TRPC7: variants seen among roughly 807,000 people sequenced by gnomAD.
TRPC7 encodes short transient receptor potential channel 7.
In TRPC7, 42 loss-of-function variants were observed where a neutral mutation model predicts 90.1. The ratio of observed to expected loss-of-function variants is 0.47; its 90% CI spans 0.36 to 0.60. The LOEUF (loss-of-function observed/expected upper bound fraction) is 0.60, where lower values mean the gene tolerates loss of function less well. Ranked by LOEUF, TRPC7 falls within the 20% of genes least tolerant of loss-of-function variation. TRPC7 has a pLI of 0.00. For missense variants in TRPC7, 955 were observed against 1,112.3 expected, an observed-to-expected ratio of 0.86 and a Z score of 2.01; for synonymous variants, 451 against 436.3, an observed-to-expected ratio of 1.03 and a Z score of -0.42.
intron 5 of TRPC7, among the ~76,000 whole-genome samples, chr5:136,257,841 C>A (rs1325373764): frequency 6.6e-6 from 1 of 152,070 alleles, no homozygotes; most frequent in Non-Finnish European, 1.5e-5. Context: ...CTTTCCTCTA[C>A]CCCCAAATTA....
intron 1 of TRPC7, among the ~76,000 whole-genome samples, chr5:136,358,563 C>T (rs1201499552): frequency 6.6e-6 from 1 of 152,130 alleles, no homozygotes. Context: ...CAGTCTTGGA[C>T]AATGTAAGTT....
chr5:136,241,302 C>T (rs1168284836), intron 7 of TRPC7, among the ~76,000 whole-genome samples: 10 of 152,254 alleles, frequency 6.6e-5, no homozygotes, highest in Non-Finnish European at 5.9e-5. Context: ...ATGAAGCTGA[C>T]TTCACAACAG....
chr5:136,325,706 G>A (rs1340346568), intron 2 of TRPC7, among the ~76,000 whole-genome samples: 1 of 151,802 alleles, frequency 6.6e-6, no homozygotes, highest in Non-Finnish European at 1.5e-5. Flanking sequence ...GATAATCAGA[G>A]GCCAATTTGT....
At chr5:136,231,064 A>G (rs1755798672) in intron 8 of TRPC7, among the ~76,000 whole-genome samples, 1 of 152,174 alleles carries the variant, frequency 6.6e-6, no homozygotes, top group African/African-American at 2.4e-5. Flanking sequence ...ATTGATTGCC[A>G]TGGGTCATCT....
At position 136,279,423 on chromosome 5, in the gene TRPC7, G is replaced by A. The variant is rs138657070; in HGVS notation, c.964-4586C>T. ...TGGAGGCAAGCCATTTCCTGAGTGC[G>A]GGGGTGAAGGCAGGAGCTGTGGCGG... On this transcript the variant is annotated intron_variant, in intron 3 of 11. Transcript: ENST00000513104. Among the ~76,000 whole-genome samples, 22 of 152,278 alleles carry A rather than the reference G, an allele frequency of 1.4e-4. No homozygotes were observed. The East Asian group carries it at 2.9e-3, about 20-fold the overall frequency.
At chr5:136,339,221 C>T (rs951537729) in intron 2 of TRPC7, among the ~76,000 whole-genome samples, 1 of 152,130 alleles carries the variant, frequency 6.6e-6, no homozygotes, top group Non-Finnish European at 1.5e-5. Context: ...GCTAAGCCAA[C>T]TATGGGAGGA....
At chr5:136,256,806 TG>T (rs1162810772) in intron 5 of TRPC7, among the ~76,000 whole-genome samples, 1 of 152,244 alleles carries the variant, frequency 6.6e-6, no homozygotes, top group Non-Finnish European at 1.5e-5. Context: ...TTATACACCC[TG>T]TACTCTAGCA....
At chr5:136,299,585 A>G (rs1363328717) in intron 3 of TRPC7, among the ~76,000 whole-genome samples, 1 of 152,206 alleles carries the variant, frequency 6.6e-6, no homozygotes, top group Non-Finnish European at 1.5e-5. Flanking sequence ...ATGAATGTTA[A>G]TAAAAGAGTA....
At position 136,228,874 on chromosome 5, in the gene TRPC7, C is replaced by T. The variant is rs796764018; in HGVS notation, c.2040+2480G>A. Among the ~76,000 whole-genome samples, 6 of 152,188 alleles carry T rather than the reference C, an allele frequency of 3.9e-5. No individual in the cohort carries two copies. The South Asian group carries it at 6.2e-4, about 16-fold the overall frequency. On this transcript the variant is annotated intron_variant, in intron 8 of 11. Transcript: ENST00000513104. ...GGGCTGTAATACACTCTCTGCATGT[C>T]GCGGCCCCTTTCCGTGGTGGGATAA...
chr5:136,319,612 G>A (rs1022175677), intron 2 of TRPC7, among the ~76,000 whole-genome samples: 1 of 152,028 alleles, frequency 6.6e-6, no homozygotes, highest in Non-Finnish European at 1.5e-5. Context: ...GTCCCCTTCA[G>A]TAAGGCTTTC....
At chr5:136,293,511 GC>G (rs1758040455) in intron 3 of TRPC7, among the ~76,000 whole-genome samples, 1 of 152,156 alleles carries the variant, frequency 6.6e-6, no homozygotes, top group South Asian at 2.1e-4. Context: ...CAAACAGAGA[GC>G]CAAATCATGA....
At chr5:136,308,577 A>G (rs1758723286) in intron 3 of TRPC7, among the ~76,000 whole-genome samples, 1 of 152,320 alleles carries the variant, frequency 6.6e-6, no homozygotes, top group Non-Finnish European at 1.5e-5. Context: ...CCCTTTGCTC[A>G]CTGGCCCTGC....
intron 1 of TRPC7, among the ~76,000 whole-genome samples, chr5:136,360,569 C>T (rs987167177): frequency 2.6e-5 from 4 of 152,150 alleles, no homozygotes; most frequent in African/African-American, 4.8e-5. Flanking sequence ...AGCAGACACC[C>T]AGATGTAGTA....
At chr5:136,252,544 C>G (rs1022378788) in intron 5 of TRPC7, among the ~76,000 whole-genome samples, 1 of 151,672 alleles carries the variant, frequency 6.6e-6, no homozygotes, top group Non-Finnish European at 1.5e-5. Flanking sequence ...ACTAGTTTCC[C>G]CAGCCTTCCT....
At chr5:136,226,646 CTTA>C (rs1437146207) in intron 8 of TRPC7, among the ~76,000 whole-genome samples, 2 of 152,164 alleles carry the variant, frequency 1.3e-5, no homozygotes, top group African/African-American at 2.4e-5. Context: ...CATTATTGTA[CTTA>C]TTAATCTCTA....
chr5:136,326,420 G>A (rs1277801938), intron 2 of TRPC7, among the ~76,000 whole-genome samples: 1 of 152,162 alleles, frequency 6.6e-6, no homozygotes, highest in Admixed American at 6.5e-5. Flanking sequence ...TGCATGGATG[G>A]TGGGGTCCTG....
chr5:136,356,736 G>T lies in TRPC7; in HGVS notation c.652C>A (p.Arg218Ser). ...GCCAGTCCTTTGTAGGCGTTCATGC[G>T]CGAGCGCGAGTGGCTGAAGGAGTCT... Reference protein sequence around the residue: ...RKDSFSHSRSRMNAYKGLASA... With the variant: ...RKDSFSHSRSSMNAYKGLASA... The change falls in exon 2 of 12, where the codon CGC becomes AGC. Residue 218 changes from arginine to serine, a missense_variant. Arg to Ser is a moderately radical substitution (Grantham distance 110, BLOSUM62 -1). Transcript: ENST00000513104. 2 of 1,612,498 alleles carry T rather than the reference G, an allele frequency of 1.2e-6. No homozygotes were observed. The highest frequency in any genetic ancestry group is 2.2e-5 in the South Asian group (2 of 90,938).
At chr5:136,227,508 G>T (rs888938162) in intron 8 of TRPC7, among the ~76,000 whole-genome samples, 1 of 152,124 alleles carries the variant, frequency 6.6e-6, no homozygotes, top group African/African-American at 2.4e-5. Context: ...TACCACAAGA[G>T]TATAGGGTTA....
chr5:136,245,801 C>T (rs2149803174), intron 7 of TRPC7, among the ~76,000 whole-genome samples: 2 of 152,304 alleles, frequency 1.3e-5, no homozygotes, highest in South Asian at 4.2e-4. Flanking sequence ...TGTAAACATC[C>T]TCATTTATCC....
Sources: allele counts gnomAD v4.1 joint callset (sites outside exome capture counted in the v4.1 genomes callset), GRCh38; gene constraint gnomAD v4.1.1; transcripts MANE v1.5; gene names NCBI Gene and HGNC (gene_info 2026-07-23, HGNC 2026-07-21).